SLC39A11: variants seen among roughly 807,000 people sequenced by gnomAD.
The protein encoded by SLC39A11 is zinc transporter ZIP11.
SLC39A11 carries 33 observed loss-of-function variants against 36.1 expected under a neutral mutation model. That is an observed-to-expected ratio of 0.91 (90% confidence interval 0.69 to 1.22). The LOEUF (loss-of-function observed/expected upper bound fraction) is 1.22. Among genes scored for constraint, SLC39A11 ranks in the 50% most tolerant of loss-of-function variants. The pLI is 0.00. For missense variants in SLC39A11, 432 were observed against 430.3 expected (o/e 1.00, Z -0.03); for synonymous variants, 166 against 170.3 (o/e 0.97, Z 0.20).
intron 6 of SLC39A11, among the ~76,000 whole-genome samples, chr17:72,740,051 C>CCT (rs2074608152): frequency 3.1e-5 from 3 of 97,652 alleles, no homozygotes; most frequent in African/African-American, 1.2e-4. Flanking sequence ...AATTTCTTTC[C>CCT]TTTTCTTTTT....
chr17:73,032,033 C>CT (rs2058753542), intron 3 of SLC39A11, among the ~76,000 whole-genome samples: 1 of 152,098 alleles, frequency 6.6e-6, no homozygotes, highest in African/African-American at 2.4e-5. Flanking sequence ...TTGGCAATGA[C>CT]TAGAGACATT....
chr17:72,911,866 A>G (rs961661496), intron 5 of SLC39A11, among the ~76,000 whole-genome samples: 2 of 152,152 alleles, frequency 1.3e-5, no homozygotes, highest in Non-Finnish European at 2.9e-5. Flanking sequence ...CTGGTCTTGA[A>G]CTTCCAACCT....
chr17:72,880,309 C>A (rs913800967), intron 5 of SLC39A11, among the ~76,000 whole-genome samples: 5 of 152,174 alleles, frequency 3.3e-5, no homozygotes, highest in African/African-American at 1.2e-4. Context: ...TGGCTCATGC[C>A]TGTAATCCCA....
chr17:73,029,013 G>A (rs1326777846), intron 4 of SLC39A11, among the ~76,000 whole-genome samples: 1 of 151,844 alleles, frequency 6.6e-6, no homozygotes, highest in Non-Finnish European at 1.5e-5. Flanking sequence ...AGCTACTCAG[G>A]AGGCTGAGGC....
intron 5 of SLC39A11, among the ~76,000 whole-genome samples, chr17:72,878,486 G>C (rs965740398): frequency 6.6e-6 from 1 of 152,032 alleles, no homozygotes; most frequent in Non-Finnish European, 1.5e-5. Context: ...TTCTCTCTTG[G>C]CCTGGTATTC....
At chr17:72,783,088 T>C (rs562995546) in intron 6 of SLC39A11, among the ~76,000 whole-genome samples, 28 of 127,238 alleles carry the variant, frequency 2.2e-4, no homozygotes, top group African/African-American at 6.6e-4. Context: ...AGAAAGCAGA[T>C]GATTCTCACC....
chr17:72,926,509 G>T (rs1223692284), intron 5 of SLC39A11, among the ~76,000 whole-genome samples: 1 of 149,330 alleles, frequency 6.7e-6, no homozygotes. Flanking sequence ...TGTTTTGGGG[G>T]AAGATATTTT....
chr17:72,722,930 C>G (rs1479557844), intron 7 of SLC39A11, among the ~76,000 whole-genome samples: 2 of 152,224 alleles, frequency 1.3e-5, no homozygotes, highest in African/African-American at 2.4e-5. Flanking sequence ...GCCACTGCAC[C>G]TGGCTGCACT....
At chr17:72,765,352 CA>C (rs1294479367) in intron 6 of SLC39A11, among the ~76,000 whole-genome samples, 1 of 152,200 alleles carries the variant, frequency 6.6e-6, no homozygotes, top group Non-Finnish European at 1.5e-5. Context: ...AACAAATCAG[CA>C]GCACCCATTC....
intron 4 of SLC39A11, among the ~76,000 whole-genome samples, chr17:72,995,732 C>T (rs960726251): frequency 6.6e-6 from 1 of 152,170 alleles, no homozygotes; most frequent in Non-Finnish European, 1.5e-5. Context: ...CCATGAATTC[C>T]CCAAGATTTT....
At chr17:72,808,956 T>C (rs932954266) in intron 6 of SLC39A11, among the ~76,000 whole-genome samples, 16 of 152,328 alleles carry the variant, frequency 1.1e-4, no homozygotes, top group African/African-American at 3.4e-4. Flanking sequence ...ATAAACTGTC[T>C]TCTCTTTCCA....
At chr17:72,883,620 C>T (rs2081314970) in intron 5 of SLC39A11, among the ~76,000 whole-genome samples, 1 of 152,012 alleles carries the variant, frequency 6.6e-6, no homozygotes, top group Non-Finnish European at 1.5e-5. Flanking sequence ...ATTTCTGAGG[C>T]TTGACTGAGA....
chr17:72,662,523 GAGAA>G (rs72407732), intron 7 of SLC39A11, among the ~76,000 whole-genome samples: 35,624 of 124,146 alleles, frequency 0.29, 4,712 homozygotes, highest in Admixed American at 0.31. Context: ...AGAGAAGAAA[GAGAA>G]AGAAAGAGAG....
At chr17:72,969,628 C>G (rs2087284502) in intron 4 of SLC39A11, among the ~76,000 whole-genome samples, 1 of 151,626 alleles carries the variant, frequency 6.6e-6, no homozygotes, top group African/African-American at 2.4e-5. Flanking sequence ...CTCTCTCTCA[C>G]TCACACACCT....
intron 6 of SLC39A11, among the ~76,000 whole-genome samples, chr17:72,812,318 A>G (rs60224270): frequency 0.071 from 10,799 of 152,214 alleles, 433 homozygotes; most frequent in Non-Finnish European, 0.083. Flanking sequence ...AAGAATCATC[A>G]CTGCTGTATC....
intron 4 of SLC39A11, among the ~76,000 whole-genome samples, chr17:73,011,209 G>T (rs543884719): frequency 1.3e-5 from 2 of 152,238 alleles, no homozygotes; most frequent in Admixed American, 1.3e-4. Flanking sequence ...CACCCCAAAG[G>T]GTAAGGAAGA....
intron 4 of SLC39A11, among the ~76,000 whole-genome samples, chr17:73,006,238 G>A (rs2090173335): frequency 6.6e-6 from 1 of 152,140 alleles, no homozygotes; most frequent in Non-Finnish European, 1.5e-5. Context: ...TATAAAATGA[G>A]CATACATAAT....
intron 5 of SLC39A11, among the ~76,000 whole-genome samples, chr17:72,882,254 G>A (rs1041453086): frequency 3.3e-5 from 5 of 151,770 alleles, no homozygotes; most frequent in African/African-American, 7.3e-5. Flanking sequence ...CACTCGGGAC[G>A]CTGACGCAGG....
rs541616250 is a variant in SLC39A11 at position 73,009,913 on chromosome 17, G to C, written c.306+21643C>G. Reference sequence around the variant, plus strand: ...TCCCCCCACCCCACGACAGGCCCCAGTGTGTGATGTTCCCTACCCTGTGTC... The same window carrying C: ...TCCCCCCACCCCACGACAGGCCCCACTGTGTGATGTTCCCTACCCTGTGTC... On this transcript the variant is annotated intron_variant, in intron 4 of 9. Coordinates refer to ENST00000255559, the MANE Select transcript of SLC39A11 (RefSeq NM_139177.4). 7.4e-3 allele frequency among the ~76,000 whole-genome samples: 1,084 copies of C among 146,478 alleles called. 12 individuals are homozygous for C. Among genetic ancestry groups the C allele is most frequent in the African/African-American group, 0.026 (1,032 of 39,772 alleles).
Sources: allele counts gnomAD v4.1 joint callset (sites outside exome capture counted in the v4.1 genomes callset), GRCh38; gene constraint gnomAD v4.1.1; transcripts MANE v1.5; gene names NCBI Gene and HGNC (gene_info 2026-07-23, HGNC 2026-07-21).